Variants in CCDC170 observed in about 807,000 individuals in gnomAD.
The protein encoded by CCDC170 is coiled-coil domain containing 170.
A neutral mutation model predicts 72.6 loss-of-function variants in CCDC170; 69 were observed. The observed-to-expected ratio is 0.95, with a 90% confidence interval of 0.78 to 1.16. CCDC170 has a LOEUF of 1.16. Among genes scored for constraint, CCDC170 ranks in the 50% most tolerant of loss-of-function variants. The pLI is 0.00. For synonymous variants in CCDC170, 300 were observed against 303.9 expected, an observed-to-expected ratio of 0.99 and a Z score of 0.13; for missense variants, 852 against 832.5, an observed-to-expected ratio of 1.02 and a Z score of -0.29.
intron 6 of CCDC170, among the ~76,000 whole-genome samples, chr6:151,576,552 G>A (rs1776306895): frequency 6.6e-6 from 1 of 152,066 alleles, no homozygotes; most frequent in African/African-American, 2.4e-5. Context: ...ATGTAAATTG[G>A]TTAAGCTGGG....
Position 151,537,440 on chromosome 6 carries a change from G to A in CCDC170, c.187-605G>A, listed in dbSNP as rs544315644. Among the ~76,000 whole-genome samples, 310 of 151,344 alleles carry A rather than the reference G, an allele frequency of 2.0e-3. 4 individuals are homozygous for A. The highest frequency in any genetic ancestry group is 7.3e-3 in the African/African-American group (301 of 41,172). The stretch of plus-strand genomic sequence containing the variant: ...TAGATCTGACATTTTAACTCAATAG[G>A]GCACATATATTGTTCAGCATTTCGA... On this transcript the variant is annotated intron_variant, in intron 2 of 10. Coordinates refer to ENST00000239374, the MANE Select transcript of CCDC170 (RefSeq NM_025059.4).
intron 5 of CCDC170, among the ~76,000 whole-genome samples, chr6:151,549,109 G>A (rs1782833390): frequency 6.6e-6 from 1 of 152,108 alleles, no homozygotes; most frequent in Admixed American, 6.5e-5. Context: ...GTTTCACCGT[G>A]TTAGTCAGGA....
intron 1 of CCDC170, among the ~76,000 whole-genome samples, chr6:151,535,423 C>T (rs1415207423): frequency 6.6e-6 from 1 of 152,104 alleles, no homozygotes; most frequent in East Asian, 1.9e-4. Context: ...CTTCATGATT[C>T]ATGGATATGA....
intron 1 of CCDC170, among the ~76,000 whole-genome samples, 161 bp downstream of exon 1, chr6:151,494,346 C>T (rs1010692834): frequency 7.9e-5 from 12 of 152,186 alleles, no homozygotes; most frequent in Non-Finnish European, 1.8e-4. Flanking sequence ...ACTGCCAGGG[C>T]GCTGATTTCA....
intron 7 of CCDC170, among the ~76,000 whole-genome samples, chr6:151,592,231 G>A (rs1420267837): frequency 1.3e-5 from 2 of 152,060 alleles, no homozygotes; most frequent in African/African-American, 2.4e-5. Flanking sequence ...ATGGTGGCAC[G>A]TGCCTGTAAT....
At chr6:151,599,517 G>A (rs1465283453) in intron 9 of CCDC170, among the ~76,000 whole-genome samples, 2 of 152,156 alleles carry the variant, frequency 1.3e-5, no homozygotes, top group Non-Finnish European at 2.9e-5. Flanking sequence ...GAGTTGGGGA[G>A]GGGAAGAAGC....
chr6:151,537,951 G>T, intron 2 of CCDC170, 94 bp from the exon 3 acceptor site: 3 of 1,226,874 alleles, frequency 2.4e-6, no homozygotes, highest in Non-Finnish European at 2.3e-6. Flanking sequence ...GAATAAAAGA[G>T]TGAACATTTA....
At chr6:151,603,510 C>T (rs958628840) in intron 9 of CCDC170, among the ~76,000 whole-genome samples, 1 of 152,172 alleles carries the variant, frequency 6.6e-6, no homozygotes, top group Non-Finnish European at 1.5e-5. Context: ...GTACTGAAAT[C>T]ATGGGGCAGA....
chr6:151,532,476 A>G (rs1197469573), intron 1 of CCDC170, among the ~76,000 whole-genome samples: 1 of 151,986 alleles, frequency 6.6e-6, no homozygotes, highest in Non-Finnish European at 1.5e-5. Context: ...GTGTCATAGC[A>G]CATGCCTGTA....
chr6:151,556,193 C>T (rs762912216), intron 5 of CCDC170, among the ~76,000 whole-genome samples: 110 of 152,022 alleles, frequency 7.2e-4, no homozygotes, highest in Non-Finnish European at 1.2e-3. Flanking sequence ...TGGTGGCTCA[C>T]GCCTGTAATC....
chr6:151,546,732 G>A (rs1028654351), intron 4 of CCDC170, among the ~76,000 whole-genome samples: 3 of 152,130 alleles, frequency 2.0e-5, no homozygotes, highest in African/African-American at 7.2e-5. Flanking sequence ...CTGTGGAGGC[G>A]ACAATAAAGC....
chr6:151,543,819 G>GAGT (rs1455762266), intron 3 of CCDC170, among the ~76,000 whole-genome samples: 1 of 152,168 alleles, frequency 6.6e-6, no homozygotes, highest in Non-Finnish European at 1.5e-5. Flanking sequence ...TTAAAAGGCT[G>GAGT]AGTAGTATTC....
chr6:151,500,436 CAT>C (rs1418996509), intron 1 of CCDC170, among the ~76,000 whole-genome samples: 1 of 151,530 alleles, frequency 6.6e-6, no homozygotes, highest in African/African-American at 2.4e-5. Context: ...GAAATACAAA[CAT>C]ATCAGTAATT....
chr6:151,551,723 G>A (rs535524246), intron 5 of CCDC170, among the ~76,000 whole-genome samples: 5 of 152,240 alleles, frequency 3.3e-5, no homozygotes, highest in East Asian at 1.9e-4. Context: ...GCAGGGAATC[G>A]TCCCCTGGTC....
chr6:151,531,299 C>T (rs903864537), intron 1 of CCDC170, among the ~76,000 whole-genome samples: 3 of 152,150 alleles, frequency 2.0e-5, no homozygotes, highest in Admixed American at 2.0e-4. Context: ...ACTTAAAGCA[C>T]TGAATATAAA....
At chr6:151,580,523 A>AT (rs957325938) in intron 6 of CCDC170, among the ~76,000 whole-genome samples, 1 of 152,106 alleles carries the variant, frequency 6.6e-6, no homozygotes, top group African/African-American at 2.4e-5. Flanking sequence ...GTATCAGTAG[A>AT]TTTTTTATTA....
chr6:151,504,634 G>A (rs916975131), intron 1 of CCDC170, among the ~76,000 whole-genome samples: 4 of 152,028 alleles, frequency 2.6e-5, no homozygotes, highest in African/African-American at 9.7e-5. Flanking sequence ...AGGGAGGGAC[G>A]AGGGATGGGA....
chr6:151,526,788 A>G (rs1583010208), intron 1 of CCDC170, among the ~76,000 whole-genome samples: 1 of 152,248 alleles, frequency 6.6e-6, no homozygotes. Flanking sequence ...AAGTTTTTCT[A>G]AGTGCAGCCC....
chr6:151,506,858 CAG>C (rs1782073142), intron 1 of CCDC170, among the ~76,000 whole-genome samples: 2 of 152,310 alleles, frequency 1.3e-5, no homozygotes, highest in South Asian at 2.1e-4. Context: ...TCCCAAGGAA[CAG>C]AGAATTCTGC....
Sources: allele counts gnomAD v4.1 joint callset (sites outside exome capture counted in the v4.1 genomes callset), GRCh38; gene constraint gnomAD v4.1.1; transcripts MANE v1.5; gene names NCBI Gene and HGNC (gene_info 2026-07-23, HGNC 2026-07-21).